Variants in PUM2 observed in about 807,000 individuals in gnomAD.
The protein encoded by PUM2 is pumilio homolog 2.
PUM2 carries 57 observed loss-of-function variants against 124.5 expected under a neutral mutation model. The ratio of observed to expected loss-of-function variants is 0.46; its 90% CI spans 0.37 to 0.57. PUM2 has a LOEUF of 0.57. PUM2 is among the 20% of genes least tolerant of loss of function. The pLI is 0.00. For missense variants in PUM2, 1,065 were observed against 1,290.6 expected (o/e 0.83, Z 2.68); for synonymous variants, 460 against 446.1 (o/e 1.03, Z -0.39).
Position 20,350,816 on chromosome 2 carries a change from A to G in PUM2, c.-238T>C. On this transcript the variant is annotated 5_prime_UTR_variant, in exon 1 of 21. The change abolishes an upstream ATG in the 5' untranslated region. Transcript: ENST00000361078. The stretch of plus-strand genomic sequence containing the variant: ...GTGAGACACAGAGACTCACAACAAC[A>G]TGGCTGCCACCGCCGCCTGCCCTCC... The G allele has an allele frequency of 1.1e-6, 1 of 945,216 alleles. No homozygotes were observed. The highest frequency in any genetic ancestry group is 1.3e-6 in the Non-Finnish European group (1 of 795,872). The allele number at this position is 945,216 out of a possible 1,614,324, so 58.6% of individuals were successfully genotyped here. A position where few individuals can be genotyped will look rare whatever the true frequency, so the allele number is the denominator to read the frequency against.
In PUM2 at chr2:20,297,671, T is replaced by C. The variant is rs771826695; in HGVS notation, c.891A>G (p.Val297=). 92 of 1,608,352 alleles carry C rather than the reference T, an allele frequency of 5.7e-5. No homozygotes were observed. The highest frequency in any genetic ancestry group is 7.2e-5 in the Non-Finnish European group (85 of 1,177,854). Residue 297 remains valine, a synonymous_variant, in exon 8 of 21, where the codon GTA becomes GTG. Coordinates refer to ENST00000361078, the MANE Select transcript of PUM2 (RefSeq NM_015317.5). ...AAAQQPHIAG[V]FSAGLAPAAF... is the part of the protein sequence containing the mutation. ...CAGCTGGAGCAAGGCCTGCTGAGAA[T>C]ACACCAGCTATATTTTAAAAGGGGA...
intron 13 of PUM2, among the ~76,000 whole-genome samples, chr2:20,270,026 T>C (rs1668658579): frequency 6.6e-6 from 1 of 152,186 alleles, no homozygotes; most frequent in African/African-American, 2.4e-5. Context: ...GGGTAATGTA[T>C]AGTTCCAAAA....
intron 15 of PUM2, 140 bp from the exon 16 acceptor site, chr2:20,258,511 A>C: frequency 1.4e-6 from 1 of 692,120 alleles, no homozygotes. Flanking sequence ...TAATTAAGAT[A>C]GACTGGGAAA....
At chr2:20,256,269 G>T in intron 16 of PUM2, 99 bp from the exon 17 acceptor site, 1 of 1,122,000 alleles carries the variant, frequency 8.9e-7, no homozygotes, top group Non-Finnish European at 1.2e-6. Flanking sequence ...AAAAATCTCA[G>T]TATATTTATC....
At chr2:20,270,482 G>A (rs971641634) in intron 13 of PUM2, among the ~76,000 whole-genome samples, 2 of 152,038 alleles carry the variant, frequency 1.3e-5, no homozygotes, top group Non-Finnish European at 2.9e-5. Context: ...TACATTTATT[G>A]TCTCTCTTGA....
At chr2:20,313,371 T>C (rs1292339175) in intron 3 of PUM2, among the ~76,000 whole-genome samples, 1 of 152,026 alleles carries the variant, frequency 6.6e-6, no homozygotes. Context: ...AATAAACATA[T>C]AAAAACCTAT....
chr2:20,297,228 G>C (rs1040292818), intron 8 of PUM2, among the ~76,000 whole-genome samples: 1 of 152,156 alleles, frequency 6.6e-6, no homozygotes, highest in Non-Finnish European at 1.5e-5. Flanking sequence ...TTTCTGAGAA[G>C]TAATTTTACT....
intron 1 of PUM2, among the ~76,000 whole-genome samples, chr2:20,336,760 G>C (rs1490131045): frequency 9.4e-5 from 4 of 42,358 alleles, no homozygotes; most frequent in Admixed American, 2.7e-4. Flanking sequence ...GTGTGTGTGT[G>C]TGTGTGTGTG....
chr2:20,279,015 AC>A (rs1221959975), intron 12 of PUM2, among the ~76,000 whole-genome samples, 196 bp from the exon 13 acceptor site: 1 of 152,122 alleles, frequency 6.6e-6, no homozygotes, highest in East Asian at 1.9e-4. Context: ...CCAATAAAGA[AC>A]CAAATACTTA....
chr2:20,349,906 AG>A (rs1288808466), intron 1 of PUM2, among the ~76,000 whole-genome samples: 1 of 152,246 alleles, frequency 6.6e-6, no homozygotes, highest in East Asian at 1.9e-4. Flanking sequence ...CTGTGTTTTC[AG>A]AAACAACACT....
Position 20,318,578 on chromosome 2 carries a change from A to G in PUM2, c.119T>C (p.Leu40Pro). 6.2e-7 allele frequency: 1 copy of G among 1,613,754 alleles called. No individual in the cohort carries two copies. The highest frequency in any genetic ancestry group is 8.5e-7 in the Non-Finnish European group (1 of 1,179,868). Residue 40 changes from leucine to proline, a missense_variant, in exon 3 of 21, where the codon CTT becomes CCT. By Grantham distance (98) the Leu-to-Pro change is moderately conservative. Transcript: ENST00000361078. ...AGTCTCTCTCCATTCATCATCCCCA[A>G]GAAATATGCCTTTTTGTCCATCTTT... The part of the protein sequence containing the change: ...STKDGQKGIF[L>P]GDDEWRETAW...
intron 13 of PUM2, among the ~76,000 whole-genome samples, chr2:20,266,913 G>GT (rs1667794202): frequency 6.6e-6 from 1 of 152,112 alleles, no homozygotes; most frequent in Non-Finnish European, 1.5e-5. Context: ...TTGATTAGTG[G>GT]TTTATCAGTG....
chr2:20,314,284 A>G (rs2148649032), intron 3 of PUM2, among the ~76,000 whole-genome samples: 1 of 152,364 alleles, frequency 6.6e-6, no homozygotes, highest in African/African-American at 2.4e-5. Context: ...GAGTAAGTCC[A>G]GAAAAATCAG....
intron 1 of PUM2, among the ~76,000 whole-genome samples, chr2:20,344,202 G>C (rs1366206129): frequency 2.0e-5 from 3 of 152,198 alleles, no homozygotes; most frequent in East Asian, 3.9e-4. Context: ...CAGGTAGCTG[G>C]GACTACAGAC....
chr2:20,331,635 GAAAGA>G (rs1390696851), intron 1 of PUM2: 10 of 147,458 alleles, frequency 6.8e-5, no homozygotes, highest in South Asian at 4.3e-4. Flanking sequence ...AAAAAAGAAA[GAAAGA>G]AAAGAAAAGG....
chr2:20,281,662 C>T (rs1257954104), intron 12 of PUM2, among the ~76,000 whole-genome samples: 5 of 152,108 alleles, frequency 3.3e-5, no homozygotes, highest in African/African-American at 7.2e-5. Flanking sequence ...CAAAGAGATA[C>T]ACAACTCCAA....
intron 13 of PUM2, among the ~76,000 whole-genome samples, chr2:20,272,908 A>C (rs1669368664): frequency 6.6e-6 from 1 of 152,182 alleles, no homozygotes; most frequent in African/African-American, 2.4e-5. Context: ...CAACAAAACC[A>C]ACTCCAGTGA....
chr2:20,309,255 T>G (rs1679059110), intron 5 of PUM2, among the ~76,000 whole-genome samples: 1 of 152,150 alleles, frequency 6.6e-6, no homozygotes, highest in Admixed American at 6.5e-5. Context: ...GATGACCTTT[T>G]GATTCCAACT....
At chr2:20,287,206 T>TA (rs528180803) in intron 10 of PUM2, among the ~76,000 whole-genome samples, 229 of 152,334 alleles carry the variant, frequency 1.5e-3, no homozygotes, top group African/African-American at 5.3e-3. Context: ...ATTTCCCATC[T>TA]ACGACCACAT....
Sources: gnomAD v4.1 joint callset for allele counts (sites outside exome capture counted in the v4.1 genomes callset) on GRCh38, gnomAD v4.1.1 for gene constraint, MANE v1.5 for transcripts, NCBI Gene and HGNC (gene_info 2026-07-23, HGNC 2026-07-21) for gene names.